The following CHKA variants were observed in gnomAD, a reference collection of about 807,000 sequenced individuals.
CHKA encodes CHETK-alpha.
A neutral mutation model predicts 60.1 loss-of-function variants in CHKA; 34 were observed. The ratio of observed to expected loss-of-function variants is 0.57; its 90% CI spans 0.43 to 0.75. The LOEUF (loss-of-function observed/expected upper bound fraction) is 0.75, where lower values mean the gene tolerates loss of function less well. CHKA is among the 30% of genes least tolerant of loss of function. CHKA has a pLI of 0.00. For synonymous variants in CHKA, 217 were observed against 223.1 expected (o/e 0.97, Z 0.24); for missense variants, 563 against 561.3 (o/e 1.00, Z -0.03).
At chr11:68,118,201 G>A (rs1012347500) in intron 1 of CHKA, among the ~76,000 whole-genome samples, 7 of 152,138 alleles carry the variant, frequency 4.6e-5, no homozygotes, top group African/African-American at 1.7e-4. Context: ...TGGCACTTTG[G>A]GAGGCTGAAG....
chr11:68,103,701 C>G (rs935616322), intron 1 of CHKA, among the ~76,000 whole-genome samples: 1 of 151,754 alleles, frequency 6.6e-6, no homozygotes. Context: ...CACCTGAGGT[C>G]GGGAATTCGA....
At chr11:68,087,186 T>C (rs1857207542) in intron 2 of CHKA, among the ~76,000 whole-genome samples, 1 of 101,660 alleles carries the variant, frequency 9.8e-6, no homozygotes, top group Non-Finnish European at 2.2e-5. Context: ...CAATTATGGA[T>C]AATATAATAT....
At position 68,121,312 on chromosome 11, in the gene CHKA, G is replaced by GGGCGGC. The variant is rs879923414; in HGVS notation, c.-141_-136dup. On this transcript the variant is annotated 5_prime_UTR_variant, in exon 1 of 12. Transcript: ENST00000265689. ...GGGGGCCGCGGCGGTTGGGCGCGCGGGGCGGCGGCGGCGGCTGCGGCGACT... is the reference window on the plus strand; with the variant it reads ...GGGGGCCGCGGCGGTTGGGCGCGCGGGGCGGCGGCGGCGGCGGCGGCTGCGGCGACT... 9.8e-4 allele frequency: 483 copies of GGGCGGC among 491,954 alleles called. 5 individuals are homozygous for GGGCGGC. The highest frequency in any genetic ancestry group is 1.1e-3 in the Non-Finnish European group (410 of 381,956). The allele number at this position is 491,954 out of a possible 1,614,324, so 30.5% of individuals were successfully genotyped here. A position where few individuals can be genotyped will look rare whatever the true frequency, so the allele number is the denominator to read the frequency against.
At chr11:68,113,597 G>A (rs1215572303) in intron 1 of CHKA, among the ~76,000 whole-genome samples, 2 of 152,158 alleles carry the variant, frequency 1.3e-5, no homozygotes, top group African/African-American at 4.8e-5. Context: ...TCAGGAGGCT[G>A]AGGCAGAGAA....
chr11:68,092,285 A>G (rs1368008475), intron 2 of CHKA, among the ~76,000 whole-genome samples: 1 of 152,162 alleles, frequency 6.6e-6, no homozygotes, highest in Non-Finnish European at 1.5e-5. Context: ...ATTTTTTATC[A>G]ATCCTGACAA....
chr11:68,080,554 G>A (rs1856953637), intron 3 of CHKA, among the ~76,000 whole-genome samples: 1 of 152,002 alleles, frequency 6.6e-6, no homozygotes, highest in Admixed American at 6.6e-5. Context: ...CACCTTGTTG[G>A]CCAGGCTGGT....
At position 68,121,330 on chromosome 11, in the gene CHKA, C is replaced by CGGCGACTGCGGCGACTGCGGCGACTGT. The variant is rs1487693089; in HGVS notation, c.-154_-153insACAGTCGCCGCAGTCGCCGCAGTCGCC. Reference sequence around the variant, plus strand: ...GCGCGCGGGGCGGCGGCGGCGGCTGCGGCGACTGCGGCGACTGTGGAGCGG... The same window carrying CGGCGACTGCGGCGACTGCGGCGACTGT: ...GCGCGCGGGGCGGCGGCGGCGGCTGCGGCGACTGCGGCGACTGCGGCGACTGTGGCGACTGCGGCGACTGTGGAGCGG... On this transcript the variant is annotated 5_prime_UTR_variant, in exon 1 of 12. Coordinates refer to ENST00000265689, the MANE Select transcript of CHKA (RefSeq NM_001277.3). 26 of 304,526 alleles carry CGGCGACTGCGGCGACTGCGGCGACTGT rather than the reference C, an allele frequency of 8.5e-5. No homozygotes were observed. The highest frequency in any genetic ancestry group is 5.9e-4 in the African/African-American group (26 of 44,040). The allele number at this position is 304,526 out of a possible 1,614,324, so 18.9% of individuals were successfully genotyped here.
At chr11:68,088,688 C>G (rs1857262733) in intron 2 of CHKA, among the ~76,000 whole-genome samples, 1 of 133,240 alleles carries the variant, frequency 7.5e-6, no homozygotes, top group Non-Finnish European at 1.6e-5. Context: ...CCTAACCTTA[C>G]TTCTTCCTGA....
chr11:68,061,691 G>A, intron 11 of CHKA: 1 of 537,488 alleles, frequency 1.9e-6, no homozygotes, highest in Non-Finnish European at 3.6e-6. Context: ...CTTCTCTGAA[G>A]CAGGGGAGGC....
intron 2 of CHKA, among the ~76,000 whole-genome samples, chr11:68,094,091 T>C (rs79287558): frequency 0.026 from 3,924 of 152,288 alleles, 75 homozygotes; most frequent in South Asian, 0.042. Context: ...AATGAAAGCC[T>C]CATAAATCAG....
intron 1 of CHKA, among the ~76,000 whole-genome samples, chr11:68,103,728 A>G (rs1434361450): frequency 6.6e-6 from 1 of 152,010 alleles, no homozygotes; most frequent in African/African-American, 2.4e-5. Flanking sequence ...CCTGGCCAAC[A>G]TGGTGAAACT....
At chr11:68,058,912 T>C (rs1338415945) in intron 11 of CHKA, among the ~76,000 whole-genome samples, 2 of 152,166 alleles carry the variant, frequency 1.3e-5, no homozygotes, top group African/African-American at 4.8e-5. Flanking sequence ...TTTTTTTTTA[T>C]TGAGACAGAG....
At chr11:68,059,865 G>GA (rs1856156531) in intron 11 of CHKA, among the ~76,000 whole-genome samples, 1 of 152,164 alleles carries the variant, frequency 6.6e-6, no homozygotes, top group Admixed American at 6.5e-5. Context: ...TGCAGTTGCT[G>GA]GGGGGTTTAA....
intron 7 of CHKA, among the ~76,000 whole-genome samples, chr11:68,067,794 T>A (rs1856491631): frequency 6.6e-6 from 1 of 152,218 alleles, no homozygotes; most frequent in South Asian, 2.1e-4. Flanking sequence ...GTAGCTGTAA[T>A]GTCTACACCC....
In CHKA at chr11:68,064,635, A is replaced by T. The variant is rs1856379080; in HGVS notation, c.1126-4T>A. 3 of 1,503,840 alleles carry T rather than the reference A, an allele frequency of 2.0e-6. No homozygotes were observed. Among genetic ancestry groups the T allele is most frequent in the South Asian group, 1.2e-5 (1 of 82,384 alleles). The allele number at this position is 1,503,840 out of a possible 1,614,324, so 93.2% of individuals were successfully genotyped here. On this transcript the variant is annotated splice_polypyrimidine_tract_variant and splice_region_variant and intron_variant, in intron 9 of 11. Coordinates refer to ENST00000265689, the MANE Select transcript of CHKA (RefSeq NM_001277.3). ...AGTAACTGGAAATAAAATGGAGCTTAAAAAAAAGTAATTGTGTTAGGATCA... is the reference window on the plus strand; with the variant it reads ...AGTAACTGGAAATAAAATGGAGCTTTAAAAAAAGTAATTGTGTTAGGATCA...
chr11:68,079,862 T>C (rs1590852246), intron 3 of CHKA, among the ~76,000 whole-genome samples: 2 of 151,966 alleles, frequency 1.3e-5, no homozygotes, highest in East Asian at 3.9e-4. Flanking sequence ...GGCCTATAGA[T>C]CAGGTGACCG....
At chr11:68,061,863 A>G (rs1471531035) in intron 11 of CHKA, 90 bp downstream of exon 11, 1 of 913,756 alleles carries the variant, frequency 1.1e-6, no homozygotes, top group Non-Finnish European at 1.7e-6. Context: ...TGTAAGGAAC[A>G]GTCATTTGCT....
chr11:68,072,686 G>C (rs1856659209), intron 4 of CHKA, among the ~76,000 whole-genome samples: 1 of 151,716 alleles, frequency 6.6e-6, no homozygotes, highest in East Asian at 1.9e-4. Flanking sequence ...GTATATAACA[G>C]AATTTTAAAA....
intron 1 of CHKA, among the ~76,000 whole-genome samples, chr11:68,117,383 G>C (rs1235647026): frequency 1.3e-5 from 2 of 152,166 alleles, no homozygotes; most frequent in African/African-American, 4.8e-5. Context: ...ATAACAAAAA[G>C]AACCAGTCTA....
Sources: allele counts gnomAD v4.1 joint callset (sites outside exome capture counted in the v4.1 genomes callset), GRCh38; gene constraint gnomAD v4.1.1; transcripts MANE v1.5; gene names NCBI Gene and HGNC (gene_info 2026-07-23, HGNC 2026-07-21).